SERINC1: variants seen among roughly 807,000 people sequenced by gnomAD.
SERINC1 encodes serine incorporator 1.
SERINC1 carries 38 observed loss-of-function variants against 52.9 expected under a neutral mutation model. The ratio of observed to expected loss-of-function variants is 0.72; its 90% CI spans 0.55 to 0.94. The LOEUF (loss-of-function observed/expected upper bound fraction) is 0.94, where lower values mean the gene tolerates loss of function less well. Ranked by LOEUF, SERINC1 falls within the 40% of genes least tolerant of loss-of-function variation. SERINC1 has a pLI of 0.00. For missense variants in SERINC1, 471 were observed against 533.9 expected (o/e 0.88, Z 1.16); for synonymous variants, 198 against 183.1 (o/e 1.08, Z -0.66).
rs145500357 is a variant in SERINC1, at chr6:122,454,869, G to GT, written c.372-640dup. On this transcript the variant is annotated intron_variant, in intron 3 of 9. Transcript: ENST00000339697. ...TGCAGAAACGAGGGCTGTAATTGTT[G>GT]TGAGTACTTCCTCCTTGTTTTGTCA... Among the ~76,000 whole-genome samples, 181 of 152,138 alleles carry GT rather than the reference G, an allele frequency of 1.2e-3. 1 individual carries two copies. The highest frequency in any genetic ancestry group is 4.2e-3 in the African/African-American group (174 of 41,566).
Position 122,446,767 on chromosome 6 carries a change from T to C in SERINC1, c.1226+7A>G, listed in dbSNP as rs1259964404. 3.2e-6 allele frequency: 5 copies of C among 1,576,594 alleles called. No homozygotes were observed. The South Asian group carries it at 5.5e-5, about 17-fold the overall frequency. On this transcript the variant is annotated splice_region_variant and intron_variant, in intron 9 of 9. Coordinates refer to ENST00000339697, the MANE Select transcript of SERINC1 (RefSeq NM_020755.4). ...ACACATCCAGAGTTTTCATGAAATA[T>C]AAATACCTGTACCAGTTGGTAAGGG...
At chr6:122,458,077 G>GATTA (rs1415802257) in intron 2 of SERINC1, among the ~76,000 whole-genome samples, 1 of 151,986 alleles carries the variant, frequency 6.6e-6, no homozygotes, top group Non-Finnish European at 1.5e-5. Flanking sequence ...TTCTCTTCTT[G>GATTA]ATTATACCAC....
chr6:122,458,850 C>CTTT (rs962169805), intron 1 of SERINC1, among the ~76,000 whole-genome samples, 169 bp from the exon 2 acceptor site: 1 of 151,876 alleles, frequency 6.6e-6, no homozygotes, highest in African/African-American at 2.4e-5. Context: ...CTATATACCA[C>CTTT]AAAACTTAGC....
chr6:122,454,331 T>G, intron 3 of SERINC1, 101 bp from the exon 4 acceptor site: 1 of 652,232 alleles, frequency 1.5e-6, no homozygotes. Context: ...CTACACTTTA[T>G]GTGAATGTTC....
At chr6:122,468,672 T>C (rs1775225369) in intron 1 of SERINC1, among the ~76,000 whole-genome samples, 1 of 152,192 alleles carries the variant, frequency 6.6e-6, no homozygotes, top group African/African-American at 2.4e-5. Context: ...AATGCACCCA[T>C]GCATTGAGAG....
intron 7 of SERINC1, among the ~76,000 whole-genome samples, chr6:122,451,272 A>G (rs370797114): frequency 1.3e-5 from 2 of 152,366 alleles, no homozygotes; most frequent in Non-Finnish European, 2.9e-5. Context: ...GATGACTGTT[A>G]GCATTTTTTG....
chr6:122,454,106 C>T (rs747100128), intron 4 of SERINC1, 45 bp downstream of exon 4: 1 of 1,319,054 alleles, frequency 7.6e-7, no homozygotes, highest in Non-Finnish European at 1.1e-6. Context: ...TTTCAGATTC[C>T]TTTATAAAAT....
Position 122,447,032 on chromosome 6 carries a change from GA to G in SERINC1, c.996-29del, listed in dbSNP as rs769533257. 4.4e-5 allele frequency: 69 copies of G among 1,567,656 alleles called. No individual in the cohort carries two copies. In the Admixed American group the frequency reaches 7.3e-4, roughly 17 times the overall value. On this transcript the variant is annotated intron_variant, in intron 8 of 9. Coordinates refer to ENST00000339697, the MANE Select transcript of SERINC1 (RefSeq NM_020755.4). ...GTATGAAAGAGAGTTTAGGAGGAGAGAAAAAAAAGAACATTTTTAAAAGAAA... is the reference window on the plus strand; with the variant it reads ...GTATGAAAGAGAGTTTAGGAGGAGAGAAAAAAAGAACATTTTTAAAAGAAA...
intron 9 of SERINC1, among the ~76,000 whole-genome samples, 197 bp downstream of exon 9, chr6:122,446,577 A>T (rs1157932220): frequency 6.6e-6 from 1 of 152,210 alleles, no homozygotes; most frequent in Admixed American, 6.5e-5. Flanking sequence ...ATTTGGAACT[A>T]TTTCAATGTT....
At chr6:122,468,009 C>T (rs1355425674) in intron 1 of SERINC1, among the ~76,000 whole-genome samples, 1 of 151,966 alleles carries the variant, frequency 6.6e-6, no homozygotes, top group Non-Finnish European at 1.5e-5. Flanking sequence ...AATACTGTCT[C>T]CAAAGGGAGG....
At chr6:122,447,720 G>A (rs1774831577) in intron 7 of SERINC1, among the ~76,000 whole-genome samples, 1 of 152,108 alleles carries the variant, frequency 6.6e-6, no homozygotes, top group Non-Finnish European at 1.5e-5. Flanking sequence ...AACCAAGACA[G>A]CTTACACAAA....
At chr6:122,470,664 T>C (rs1012679887) in intron 1 of SERINC1, among the ~76,000 whole-genome samples, 18 of 152,202 alleles carry the variant, frequency 1.2e-4, no homozygotes, top group African/African-American at 4.3e-4. Context: ...TATTATTTGA[T>C]TAAAATTCAA....
chr6:122,468,727 G>T (rs753624619), intron 1 of SERINC1, among the ~76,000 whole-genome samples: 8 of 152,062 alleles, frequency 5.3e-5, no homozygotes, highest in Non-Finnish European at 1.0e-4. Context: ...TTTCTACTCT[G>T]CATTGCTTGA....
At chr6:122,460,552 G>A (rs1411544066) in intron 1 of SERINC1, among the ~76,000 whole-genome samples, 1 of 152,100 alleles carries the variant, frequency 6.6e-6, no homozygotes, top group Non-Finnish European at 1.5e-5. Flanking sequence ...TGCACTTAAC[G>A]AAACCTAAAG....
At chr6:122,465,028 G>GT (rs1319750636) in intron 1 of SERINC1, among the ~76,000 whole-genome samples, 4 of 151,812 alleles carry the variant, frequency 2.6e-5, no homozygotes, top group East Asian at 3.9e-4. Context: ...AAGGTTTGGG[G>GT]TTTTTTTTCT....
In SERINC1 at chr6:122,458,663, T is replaced by C. The variant is rs1432674236; in HGVS notation, c.58A>G (p.Ser20Gly). Residue 20 changes from serine (S) to glycine (G), a missense_variant, in exon 2 of 10, where the codon AGT becomes GGT. Coordinates refer to ENST00000339697, the MANE Select transcript of SERINC1 (RefSeq NM_020755.4). Reference sequence around the variant, plus strand: ...CATCGGCATAGCAAACACGGGGCACTTCCACACAAACATGGTATCTGGGAA... The same window carrying C: ...CATCGGCATAGCAAACACGGGGCACCTCCACACAAACATGGTATCTGGGAA... ...MASWIPCLCG[S>G]APCLLCRCCP... The C allele has an allele frequency of 1.9e-6, 3 of 1,602,020 alleles. No individual in the cohort carries two copies. Among genetic ancestry groups the C allele is most frequent in the Admixed American group, 1.7e-5 (1 of 59,198 alleles).
At chr6:122,458,883 C>CA (rs1353931870) in intron 1 of SERINC1, among the ~76,000 whole-genome samples, 1 of 151,406 alleles carries the variant, frequency 6.6e-6, no homozygotes, top group African/African-American at 2.4e-5. Flanking sequence ...GGAGTAAAGA[C>CA]AAAAAAAATC....
rs1582628050 is a variant in SERINC1, at chr6:122,445,167, A to G, written c.1239T>C (p.Ser413=). ...TLTNWYRYEP[S]REMKSQWTAV... is the part of the protein sequence containing the mutation. The stretch of plus-strand genomic sequence containing the variant: ...CTGTCCACTGACTTTTCATCTCACG[A>G]GAGGGTTCATACCTAAAATTTCAGG... Residue 413 remains serine, a synonymous_variant, in exon 10 of 10, where the codon TCT becomes TCC. Transcript: ENST00000339697. 3 of 1,613,774 alleles carry G rather than the reference A, an allele frequency of 1.9e-6. No individual in the cohort carries two copies. Among genetic ancestry groups the G allele is most frequent in the Non-Finnish European group, 1.7e-6 (2 of 1,179,926 alleles).
At chr6:122,471,595 G>T in intron 1 of SERINC1, 104 bp downstream of exon 1, 2 of 1,384,536 alleles carry the variant, frequency 1.4e-6, no homozygotes, top group Non-Finnish European at 1.0e-6. Flanking sequence ...ACTCCCTGTT[G>T]GGTGGGGCAC....
Sources: allele counts gnomAD v4.1 joint callset (sites outside exome capture counted in the v4.1 genomes callset), GRCh38; gene constraint gnomAD v4.1.1; transcripts MANE v1.5; gene names NCBI Gene and HGNC (gene_info 2026-07-23, HGNC 2026-07-21).